The following N4BP2 variants were observed in gnomAD, a reference collection of about 807,000 sequenced individuals.
N4BP2 encodes NEDD4 binding protein 2.
N4BP2 carries 91 observed loss-of-function variants against 152.8 expected under a neutral mutation model. The observed-to-expected ratio is 0.60, with a 90% CI of 0.50 to 0.71. The LOEUF is 0.71. N4BP2 is among the 30% of genes least tolerant of loss of function. The pLI, the probability that N4BP2 is intolerant of heterozygous loss-of-function variation, is 0.00. For missense variants in N4BP2, 1,923 were observed against 2,059.1 expected (o/e 0.93, Z 1.28); for synonymous variants, 646 against 705.3 (o/e 0.92, Z 1.33).
chr4:40,179,907 G>C, the N4BP2 span, among the ~76,000 whole-genome samples: 6 of 151,810 alleles, frequency 4.0e-5, no homozygotes, highest in Non-Finnish European at 7.4e-5. Context: ...TGGAATTACA[G>C]GCATGCGCCA....
chr4:40,140,418 C>T (rs1276277192), intron 14 of N4BP2, among the ~76,000 whole-genome samples: 1 of 152,112 alleles, frequency 6.6e-6, no homozygotes, highest in African/African-American at 2.4e-5. Context: ...ATATGCAAGG[C>T]ACTGTGAGTC....
At chr4:40,101,945 T>C in intron 3 of N4BP2, 130 bp from the exon 4 acceptor site, 3 of 513,770 alleles carry the variant, frequency 5.8e-6, no homozygotes, top group Non-Finnish European at 9.4e-6. Flanking sequence ...AAAAATAACA[T>C]GAATATTGTA....
chr4:40,181,738 A>G, the N4BP2 span, among the ~76,000 whole-genome samples: 1 of 152,234 alleles, frequency 6.6e-6, no homozygotes, highest in Non-Finnish European at 1.5e-5. Flanking sequence ...ACCTGAGGTC[A>G]GGAGTTCAAG....
At chr4:40,142,902 A>G (rs1720176087) in intron 15 of N4BP2, 41 bp downstream of exon 15, 1 of 1,537,796 alleles carries the variant, frequency 6.5e-7, no homozygotes, top group African/African-American at 1.4e-5. Flanking sequence ...GTCAGTTATA[A>G]TAACTAAATA....
chr4:40,075,013 A>C (rs1476895648), intron 2 of N4BP2, among the ~76,000 whole-genome samples: 1 of 152,062 alleles, frequency 6.6e-6, no homozygotes, highest in Non-Finnish European at 1.5e-5. Context: ...TAAAGAAAAA[A>C]AAAAAAGTAA....
At chr4:40,150,065 G>C (rs1354426140) in intron 16 of N4BP2, among the ~76,000 whole-genome samples, 2 of 152,176 alleles carry the variant, frequency 1.3e-5, no homozygotes, top group African/African-American at 2.4e-5. Flanking sequence ...TCACCACCAG[G>C]TGGCAGTATT....
chr4:40,158,982 C>T (rs1188109373), downstream of N4BP2, among the ~76,000 whole-genome samples: 3 of 152,216 alleles, frequency 2.0e-5, no homozygotes, highest in Non-Finnish European at 4.4e-5. Context: ...TTATCAACTC[C>T]TATGTATATA....
chr4:40,089,870 A>G (rs1246487764), intron 2 of N4BP2, among the ~76,000 whole-genome samples: 1 of 152,068 alleles, frequency 6.6e-6, no homozygotes, highest in Non-Finnish European at 1.5e-5. Flanking sequence ...TTATAGCTTT[A>G]TGTCTTAAAC....
chr4:40,126,397 G>T, intron 12 of N4BP2, 67 bp downstream of exon 12: 1 of 759,988 alleles, frequency 1.3e-6, no homozygotes, highest in East Asian at 3.1e-5. Context: ...TTTACTTTGT[G>T]ATTTTTTCAA....
chr4:40,143,864 T>C (rs1007155672), intron 15 of N4BP2, among the ~76,000 whole-genome samples: 1 of 152,016 alleles, frequency 6.6e-6, no homozygotes, highest in Non-Finnish European at 1.5e-5. Flanking sequence ...ACCAGTAGGA[T>C]ATATGAAAGA....
chr4:40,122,267 TTTCAAC>T lies in N4BP2; in HGVS notation c.4159_4164del (p.Gln1387_Leu1388del). 1 of 1,590,446 alleles carries T rather than the reference TTTCAAC, an allele frequency of 6.3e-7. No individual in the cohort carries two copies. Among genetic ancestry groups the T allele is most frequent in the East Asian group, 2.2e-5 (1 of 44,488 alleles). ...ATTGGCATTACCCCCTGAACTGGCTTTTCAACTTAATGAATTATTTGGTCCTGTTGG... is the reference window on the plus strand; with the variant it reads ...ATTGGCATTACCCCCTGAACTGGCTTTTAATGAATTATTTGGTCCTGTTGG... On this transcript the variant is annotated inframe_deletion, in exon 9 of 18. Coordinates refer to ENST00000261435, the MANE Select transcript of N4BP2 (RefSeq NM_018177.6).
chr4:40,171,399 G>A, the N4BP2 span, among the ~76,000 whole-genome samples: 2 of 152,262 alleles, frequency 1.3e-5, no homozygotes, highest in South Asian at 2.1e-4. Context: ...GGGTAATGCT[G>A]TGTGGTGATT....
At chr4:40,138,828 A>T (rs1719643935) in intron 14 of N4BP2, among the ~76,000 whole-genome samples, 1 of 152,182 alleles carries the variant, frequency 6.6e-6, no homozygotes, top group Non-Finnish European at 1.5e-5. Flanking sequence ...GTGGCTTTGT[A>T]GTAAGTTTTG....
intron 2 of N4BP2, among the ~76,000 whole-genome samples, chr4:40,096,711 T>A (rs1238556581): frequency 6.6e-6 from 1 of 152,152 alleles, no homozygotes; most frequent in Non-Finnish European, 1.5e-5. Context: ...TGAGGAATGA[T>A]AGTATTCTGG....
chr4:40,152,413 A>C (rs1721225353), intron 16 of N4BP2, among the ~76,000 whole-genome samples: 1 of 152,232 alleles, frequency 6.6e-6, no homozygotes, highest in Non-Finnish European at 1.5e-5. Flanking sequence ...AGCCACTTAA[A>C]GCAGTACTTG....
intron 4 of N4BP2, among the ~76,000 whole-genome samples, chr4:40,104,508 T>G (rs560634374): frequency 6.6e-6 from 1 of 152,170 alleles, no homozygotes; most frequent in South Asian, 2.1e-4. Context: ...TCAGTAGACA[T>G]GTAGGCTTTT....
chr4:40,073,007 C>T (rs1418593974), intron 1 of N4BP2, among the ~76,000 whole-genome samples: 4 of 152,148 alleles, frequency 2.6e-5, no homozygotes, highest in Non-Finnish European at 5.9e-5. Flanking sequence ...AGGTGTGAGC[C>T]ACCGCACCTG....
intron 12 of N4BP2, among the ~76,000 whole-genome samples, chr4:40,129,554 A>G (rs1718726645): frequency 6.6e-6 from 1 of 152,052 alleles, no homozygotes; most frequent in Admixed American, 6.6e-5. Flanking sequence ...AGATTGGGTA[A>G]TATAATAGAA....
In N4BP2 at chr4:40,150,926, T is replaced by C. The variant is rs1460886029; in HGVS notation, c.5144-1854T>C. Among the ~76,000 whole-genome samples, 4 of 152,188 alleles carry C rather than the reference T, an allele frequency of 2.6e-5. No individual in the cohort carries two copies. In the South Asian group the frequency reaches 6.2e-4, roughly 24 times the overall value. On this transcript the variant is annotated intron_variant, in intron 16 of 17. Coordinates refer to ENST00000261435, the MANE Select transcript of N4BP2 (RefSeq NM_018177.6). Reference sequence around the variant, plus strand: ...ATTTTATAAGATATGATGGTGCCATTGTAGTTATGCTTTTTAAAGGAGTCC... The same window carrying C: ...ATTTTATAAGATATGATGGTGCCATCGTAGTTATGCTTTTTAAAGGAGTCC...
Sources: allele counts gnomAD v4.1 joint callset (sites outside exome capture counted in the v4.1 genomes callset), GRCh38; gene constraint gnomAD v4.1.1; transcripts MANE v1.5; gene names NCBI Gene and HGNC (gene_info 2026-07-23, HGNC 2026-07-21).